RP1: variants seen among roughly 807,000 people sequenced by gnomAD.
The protein encoded by RP1 is oxygen-regulated protein 1.
Under a neutral mutation model 14.8 loss-of-function variants are expected in RP1, and 16 were observed. The ratio of observed to expected loss-of-function variants is 1.08; its 90% CI spans 0.73 to 1.65. The LOEUF (loss-of-function observed/expected upper bound fraction) is 1.65, where lower values mean the gene tolerates loss of function less well. Ranked by LOEUF, RP1 falls within the 40% of genes most tolerant of loss-of-function variation. RP1 has a pLI of 0.00. For synonymous variants in RP1, 876 were observed against 883.6 expected (o/e 0.99, Z 0.15); for missense variants, 2,631 against 2,535.0 (o/e 1.04, Z -0.81).
At chr8:54,565,404 A>C (rs11779844) in intron 1 of RP1, among the ~76,000 whole-genome samples, 23,496 of 152,180 alleles carry the variant, frequency 0.15, 2,251 homozygotes, top group East Asian at 0.38. Context: ...GCCTCTACTA[A>C]AAATACAAAA....
At chr8:54,828,882 CTTTTTTTTTTTTT>C (rs201534661) in intron 24 of RP1, among the ~76,000 whole-genome samples, 161 of 83,944 alleles carry the variant, frequency 1.9e-3, no homozygotes, top group African/African-American at 7.7e-3. Flanking sequence ...TCTTCTTCTT[CTTTTTTTTTTTTT>C]TTTTTTTTTT....
At chr8:54,771,259 G>C (rs547765095), downstream of RP1, among the ~76,000 whole-genome samples, 81 of 152,102 alleles carry the variant, frequency 5.3e-4, no homozygotes, top group African/African-American at 1.9e-3. Context: ...CCAGAGGTCT[G>C]TGTCTTACAA....
chr8:54,635,876 A>G (rs1806337590), intron 3 of RP1, among the ~76,000 whole-genome samples: 1 of 152,116 alleles, frequency 6.6e-6, no homozygotes, highest in Non-Finnish European at 1.5e-5. Flanking sequence ...CTAAGGGATA[A>G]TGTCCACAGA....
chr8:54,840,506 G>T (rs1811766413), intron 25 of RP1, among the ~76,000 whole-genome samples: 1 of 150,840 alleles, frequency 6.6e-6, no homozygotes, highest in Non-Finnish European at 1.5e-5. Context: ...GCCCAAGGCT[G>T]CATTATTTTA....
intron 22 of RP1, among the ~76,000 whole-genome samples, chr8:54,761,235 T>TG (rs1809632379): frequency 8.0e-6 from 1 of 125,738 alleles, no homozygotes; most frequent in Non-Finnish European, 1.7e-5. Flanking sequence ...CTACCTTACT[T>TG]TTTTTTTTTT....
intron 12 of RP1, among the ~76,000 whole-genome samples, chr8:54,698,480 G>A (rs1038091539): frequency 2.2e-4 from 34 of 152,284 alleles, no homozygotes; most frequent in African/African-American, 2.6e-4. Context: ...ACAGTGTGGT[G>A]ATTCCTCAAG....
intron 24 of RP1, among the ~76,000 whole-genome samples, chr8:54,805,738 T>G (rs1810832352): frequency 6.6e-6 from 1 of 152,090 alleles, no homozygotes. Flanking sequence ...TTTGTCATTT[T>G]CTGCAGGTGC....
intron 12 of RP1, among the ~76,000 whole-genome samples, chr8:54,688,419 T>G (rs1015098425): frequency 6.6e-6 from 1 of 152,166 alleles, no homozygotes; most frequent in African/African-American, 2.4e-5. Flanking sequence ...TTGCCTAGGT[T>G]TTCTTCTAGG....
chr8:54,646,549 C>T (rs2129324407), intron 3 of RP1, among the ~76,000 whole-genome samples: 2 of 152,176 alleles, frequency 1.3e-5, no homozygotes, highest in East Asian at 3.9e-4. Flanking sequence ...GGCTTTCTGT[C>T]GATTGAAATG....
In RP1 at chr8:54,699,617, T is replaced by C. The variant is rs184138481; in HGVS notation, c.1821+47T>C. ...TGCCATATATCAATAGTATTATGTC[T>C]GTATATTTTTTTGTATAAGATACAT... On this transcript the variant is annotated intron_variant, in intron 13 of 22. Transcript: ENST00000636932. The C allele has an allele frequency of 1.6e-4, 142 of 912,160 alleles. 1 individual carries two copies. The African/African-American group carries it at 2.3e-3, about 15-fold the overall frequency. The allele number at this position is 912,160 out of a possible 1,614,324, so 56.5% of individuals were successfully genotyped here. A position where few individuals can be genotyped will look rare whatever the true frequency, so the allele number is the denominator to read the frequency against.
intron 19 of RP1, among the ~76,000 whole-genome samples, chr8:54,745,732 A>G (rs528358748): frequency 3.3e-4 from 50 of 150,670 alleles, no homozygotes; most frequent in African/African-American, 1.1e-3. Flanking sequence ...AAATGAATGC[A>G]TGTTTCAGTG....
At chr8:54,819,731 G>A (rs990716247) in intron 24 of RP1, among the ~76,000 whole-genome samples, 1 of 152,124 alleles carries the variant, frequency 6.6e-6, no homozygotes, top group Non-Finnish European at 1.5e-5. Context: ...CAAACTCATG[G>A]AGGTACCACC....
chr8:54,570,357 C>A (rs1254922942), intron 1 of RP1, among the ~76,000 whole-genome samples: 1 of 148,360 alleles, frequency 6.7e-6, no homozygotes, highest in Non-Finnish European at 1.5e-5. Context: ...GAGACAGAGT[C>A]TCGTTCTGTC....
At position 54,603,497 on chromosome 8, in the gene RP1, C is replaced by T. The variant is rs898838563; in HGVS notation, c.-12-17458C>T. 9.2e-5 allele frequency among the ~76,000 whole-genome samples: 14 copies of T among 152,214 alleles called. No individual in the cohort carries two copies. In the East Asian group the frequency reaches 2.3e-3, roughly 25 times the overall value. Reference sequence around the variant, plus strand: ...GGTGCCTCCAGCTTTGTTCTTTTGCCTTAGGATTGACTTGGCAATGAGGGC... The same window carrying T: ...GGTGCCTCCAGCTTTGTTCTTTTGCTTTAGGATTGACTTGGCAATGAGGGC... On this transcript the variant is annotated intron_variant, in intron 1 of 22. Coordinates refer to the RP1 transcript ENST00000636932.
At chr8:54,827,856 C>T (rs922077979) in intron 24 of RP1, among the ~76,000 whole-genome samples, 3 of 152,008 alleles carry the variant, frequency 2.0e-5, no homozygotes, top group East Asian at 1.9e-4. Flanking sequence ...TGAGATCACA[C>T]CACTGCACTC....
Position 54,630,749 on chromosome 8 carries a change from C to A in RP1, c.*396C>A, listed in dbSNP as rs973613799. The A allele has an allele frequency of 5.9e-6, 6 of 1,015,724 alleles. No homozygotes were observed. Among genetic ancestry groups the A allele is most frequent in the African/African-American group, 1.7e-5 (1 of 57,370 alleles). 62.9% of individuals were successfully genotyped at this position (1,015,724 alleles called of 1,614,324 possible). ...GGTGAATAAATTGAATAGACATAAC[C>A]TCAAAGTACTTCACTTATTCTTTTT... On this transcript the variant is annotated 3_prime_UTR_variant, in exon 4 of 4. Transcript: ENST00000220676.
In RP1 at chr8:54,624,665, T is replaced by G; in HGVS notation, c.788-5T>G. 6.2e-7 allele frequency: 1 copy of G among 1,613,700 alleles called. No homozygotes were observed. The highest frequency in any genetic ancestry group is 8.5e-7 in the Non-Finnish European group (1 of 1,179,854). On this transcript the variant is annotated splice_polypyrimidine_tract_variant and splice_region_variant and intron_variant, in intron 3 of 3. Coordinates refer to ENST00000220676, the MANE Select transcript of RP1 (RefSeq NM_006269.2). ...GGGCACCTTTTACTCTTAAAATCTT[T>G]AAAGTAAGCACACATATGTCTTCAA...
At chr8:54,636,695 G>A (rs902548758) in intron 3 of RP1, among the ~76,000 whole-genome samples, 1 of 152,128 alleles carries the variant, frequency 6.6e-6, no homozygotes, top group South Asian at 2.1e-4. Flanking sequence ...CTGAGATTAC[G>A]CCACTGTACC....
rs187676717 is a variant in RP1 at position 54,748,316 on chromosome 8, G to A, written c.2809-6487G>A. 4.4e-4 allele frequency among the ~76,000 whole-genome samples: 67 copies of A among 152,282 alleles called. 1 individual carries two copies. In the East Asian group the frequency reaches 9.1e-3, roughly 21 times the overall value. On this transcript the variant is annotated intron_variant, in intron 19 of 22. Transcript: ENST00000636932. ...GCGGTAAGAAAAATAGTTTGTTTTT[G>A]AAGATTTTCTAGTTCAGTGAACAGC...
Sources: gnomAD v4.1 joint callset for allele counts (sites outside exome capture counted in the v4.1 genomes callset) on GRCh38, gnomAD v4.1.1 for gene constraint, MANE v1.5 for transcripts, NCBI Gene and HGNC (gene_info 2026-07-23, HGNC 2026-07-21) for gene names.